MAGI2: variants seen among roughly 807,000 people sequenced by gnomAD.
MAGI2 encodes the protein membrane-associated guanylate kinase, WW and PDZ domain-containing protein 2.
Under a neutral mutation model 133.3 loss-of-function variants are expected in MAGI2, and 35 were observed. The observed-to-expected ratio is 0.26, with a 90% confidence interval of 0.20 to 0.35. The LOEUF (loss-of-function observed/expected upper bound fraction) is 0.35, where lower values mean the gene tolerates loss of function less well. Ranked by LOEUF, MAGI2 falls within the 10% of genes least tolerant of loss-of-function variation. MAGI2 has a pLI of 1.00. For synonymous variants in MAGI2, 729 were observed against 710.6 expected (o/e 1.03, Z -0.41); for missense variants, 1,636 against 1,863.4 (o/e 0.88, Z 2.25).
intron 1 of MAGI2, among the ~76,000 whole-genome samples, chr7:79,186,223 TATATATATATA>T (rs1827104911): frequency 7.8e-6 from 1 of 127,806 alleles, no homozygotes; most frequent in African/African-American, 2.8e-5. Context: ...TATATATATA[TATATATATATA>T]TATATATATT....
intron 2 of MAGI2, among the ~76,000 whole-genome samples, chr7:78,769,243 C>T (rs758137657): frequency 2.7e-5 from 4 of 147,320 alleles, no homozygotes; most frequent in Non-Finnish European, 4.5e-5. Context: ...CAGAGATGGA[C>T]GATACAGGCA....
At chr7:78,912,912 G>A (rs1798523995) in intron 2 of MAGI2, among the ~76,000 whole-genome samples, 1 of 150,972 alleles carries the variant, frequency 6.6e-6, no homozygotes, top group Non-Finnish European at 1.5e-5. Context: ...ATACAGTTGG[G>A]CAGGGGCTGG....
chr7:78,679,576 T>G (rs1422769385), intron 2 of MAGI2, among the ~76,000 whole-genome samples: 1 of 152,146 alleles, frequency 6.6e-6, no homozygotes, highest in Non-Finnish European at 1.5e-5. Context: ...GAATTTGTAT[T>G]AAAGAAAGAT....
chr7:79,007,112 G>A lies in MAGI2; in HGVS notation c.396C>T (p.Asn132=). ...CACATGGCACCGTGCGGAGGTAGAGGTTGTCACGAATGATTTGCTGAAGCT... is the reference window on the plus strand; with the variant it reads ...CACATGGCACCGTGCGGAGGTAGAGATTGTCACGAATGATTTGCTGAAGCT... ...DHELQQIIRD[N]LYLRTVPCTT... The change falls in exon 2 of 22, where the codon AAC becomes AAT. Residue 132 remains asparagine (N), a synonymous_variant. Coordinates refer to ENST00000354212, the MANE Select transcript of MAGI2 (RefSeq NM_012301.4). The A allele has an allele frequency of 6.2e-7, 1 of 1,612,718 alleles. No individual in the cohort carries two copies. Among genetic ancestry groups the A allele is most frequent in the Non-Finnish European group, 8.5e-7 (1 of 1,179,328 alleles).
chr7:78,145,974 GGA>G, intron 16 of MAGI2, among the ~76,000 whole-genome samples: 1 of 152,224 alleles, frequency 6.6e-6, no homozygotes, highest in South Asian at 2.1e-4. Flanking sequence ...TTTTGGAGCA[GGA>G]GACACAAACA....
intron 2 of MAGI2, among the ~76,000 whole-genome samples, chr7:78,651,788 T>C (rs952456419): frequency 1.3e-5 from 2 of 152,050 alleles, no homozygotes; most frequent in African/African-American, 4.8e-5. Context: ...AGTATGAGGG[T>C]CCTTTTAAAA....
rs185731442 is a variant in MAGI2 at position 79,446,807 on chromosome 7, C to T, written c.301+6213G>A. Reference sequence around the variant, plus strand: ...CTACTAAAAATACAAAAACATTAACCGGGCGTGGATGGCGGGCACCTGTAG... The same window carrying T: ...CTACTAAAAATACAAAAACATTAACTGGGCGTGGATGGCGGGCACCTGTAG... On this transcript the variant is annotated intron_variant, in intron 1 of 21. Transcript: ENST00000354212. Among the ~76,000 whole-genome samples, 106 of 152,110 alleles carry T rather than the reference C, an allele frequency of 7.0e-4. 1 individual carries two copies. In the East Asian group the frequency reaches 0.011, roughly 16 times the overall value.
chr7:78,596,184 G>GAGGGAGGGAAGGAGTGA (rs764648185), intron 3 of MAGI2, among the ~76,000 whole-genome samples: 2 of 120,244 alleles, frequency 1.7e-5, no homozygotes, highest in Non-Finnish European at 3.5e-5. Context: ...TGAAGGAAGG[G>GAGGGAGGGAAGGAGTGA]AGGGAGGGAG....
At chr7:78,302,929 A>C (rs1255611236) in intron 9 of MAGI2, among the ~76,000 whole-genome samples, 1 of 152,158 alleles carries the variant, frequency 6.6e-6, no homozygotes, top group African/African-American at 2.4e-5. Flanking sequence ...GTGGGATATG[A>C]ACAGGTAAAG....
intron 2 of MAGI2, among the ~76,000 whole-genome samples, chr7:78,687,236 T>TTA (rs932794539): frequency 6.6e-6 from 1 of 152,132 alleles, no homozygotes; most frequent in Non-Finnish European, 1.5e-5. Flanking sequence ...CTGTTATTGA[T>TTA]TATACGATCA....
chr7:78,120,318 G>T (rs1431322181), intron 20 of MAGI2, among the ~76,000 whole-genome samples: 4 of 152,278 alleles, frequency 2.6e-5, no homozygotes, highest in African/African-American at 9.6e-5. Flanking sequence ...CAGGAAAATG[G>T]TGTGAACCCA....
At chr7:79,423,714 G>T (rs534301881) in intron 1 of MAGI2, among the ~76,000 whole-genome samples, 24 of 152,196 alleles carry the variant, frequency 1.6e-4, no homozygotes, top group African/African-American at 5.8e-4. Context: ...ACTGAATGAA[G>T]ACATATTTTT....
chr7:79,418,425 A>G (rs952591946), intron 1 of MAGI2, among the ~76,000 whole-genome samples: 6 of 152,094 alleles, frequency 3.9e-5, no homozygotes, highest in African/African-American at 1.4e-4. Context: ...TACTTGCTCT[A>G]AAAATATTCC....
intron 1 of MAGI2, among the ~76,000 whole-genome samples, chr7:79,156,419 C>G (rs1823783822): frequency 6.6e-6 from 1 of 152,082 alleles, no homozygotes; most frequent in African/African-American, 2.4e-5. Flanking sequence ...TTTAAAAGGT[C>G]TGAATAGGAA....
chr7:78,674,478 T>TAA (rs142146575), intron 2 of MAGI2, among the ~76,000 whole-genome samples: 6 of 148,512 alleles, frequency 4.0e-5, no homozygotes, highest in Non-Finnish European at 6.0e-5. Context: ...ATCAGGCAGC[T>TAA]AAAAAAAAAA....
intron 9 of MAGI2, among the ~76,000 whole-genome samples, chr7:78,302,589 C>T (rs1562788088): frequency 6.6e-6 from 1 of 152,208 alleles, no homozygotes; most frequent in Non-Finnish European, 1.5e-5. Context: ...TAAACAGCTT[C>T]ATCTGGGATC....
chr7:78,293,267 A>T (rs1796904951), intron 9 of MAGI2, among the ~76,000 whole-genome samples: 1 of 152,116 alleles, frequency 6.6e-6, no homozygotes, highest in Non-Finnish European at 1.5e-5. Context: ...ATCGAAAAGT[A>T]GGCAAAGGAT....
Position 79,139,941 on chromosome 7 carries a change from A to G in MAGI2, c.302-132735T>C, listed in dbSNP as rs1000764916. ...TGGGAGTAAGCCTAGAATTTCAGTA[A>G]TATGTGTGAACCTGTAGCAGGGCAT... On this transcript the variant is annotated intron_variant, in intron 1 of 21. Coordinates refer to ENST00000354212, the MANE Select transcript of MAGI2 (RefSeq NM_012301.4). 4 of 152,322 alleles carry G rather than the reference A, an allele frequency of 2.6e-5. No individual in the cohort carries two copies. In the East Asian group the frequency reaches 7.7e-4, roughly 29 times the overall value. The allele number at this position is 152,322 out of a possible 1,614,324, so 9.4% of individuals were successfully genotyped here.
intron 1 of MAGI2, among the ~76,000 whole-genome samples, chr7:79,248,220 T>G (rs1832959339): frequency 6.6e-6 from 1 of 152,190 alleles, no homozygotes; most frequent in South Asian, 2.1e-4. Context: ...TATCTATATT[T>G]ATGTCAGACC....
Sources: allele counts gnomAD v4.1 joint callset (sites outside exome capture counted in the v4.1 genomes callset), GRCh38; gene constraint gnomAD v4.1.1; transcripts MANE v1.5; gene names NCBI Gene and HGNC (gene_info 2026-07-23, HGNC 2026-07-21).